The following STMN2 variants were observed in gnomAD, a reference collection of about 807,000 sequenced individuals.
STMN2 encodes the protein stathmin-2.
Under a neutral mutation model 24.1 loss-of-function variants are expected in STMN2, and 2 were observed. That is an observed-to-expected ratio of 0.08 (90% CI 0.03 to 0.26). The LOEUF (loss-of-function observed/expected upper bound fraction) is 0.26. STMN2 is among the 10% of genes least tolerant of loss of function. The pLI, the probability that STMN2 is intolerant of heterozygous loss-of-function variation, is 1.00. For synonymous variants in STMN2, 83 were observed against 77.5 expected (o/e 1.07, Z -0.37); for missense variants, 114 against 213.6 (o/e 0.53, Z 2.91).
chr8:79,615,329 C>G (rs180895218), intron 1 of STMN2, among the ~76,000 whole-genome samples: 1 of 152,178 alleles, frequency 6.6e-6, no homozygotes, highest in African/African-American at 2.4e-5. Flanking sequence ...AAGCTGGCCT[C>G]CGAGCAGGAG....
intron 1 of STMN2, among the ~76,000 whole-genome samples, chr8:79,612,190 A>T (rs1316186123): frequency 6.7e-6 from 1 of 149,020 alleles, no homozygotes; most frequent in African/African-American, 2.5e-5. Context: ...CCCGCTCCCG[A>T]CTCCCCGCCG....
intron 4 of STMN2, among the ~76,000 whole-genome samples, chr8:79,659,941 C>G (rs1806467821): frequency 6.6e-6 from 1 of 152,164 alleles, no homozygotes; most frequent in Non-Finnish European, 1.5e-5. Context: ...CTACTAAATA[C>G]TTCACTTTCT....
chr8:79,630,989 A>T lies in STMN2; in HGVS notation c.20-5813A>T, dbSNP rs755151777. On this transcript the variant is annotated intron_variant, in intron 1 of 4. Transcript: ENST00000220876. ...TAAAGCGCTTTCATTACTCCTCTAA[A>T]CCACAGTGTCATTTGGTCTCTATCA... 1.8e-4 allele frequency among the ~76,000 whole-genome samples: 28 copies of T among 152,098 alleles called. 1 individual carries two copies. The highest frequency in any genetic ancestry group is 8.3e-4 in the South Asian group (4 of 4,822).
chr8:79,655,268 G>A (rs80015140), intron 4 of STMN2, among the ~76,000 whole-genome samples: 4,508 of 152,142 alleles, frequency 0.03, 101 homozygotes, highest in East Asian at 0.096. Flanking sequence ...CATGAAAGCT[G>A]GAATTTTGTC....
At chr8:79,655,895 C>G (rs1456582269) in intron 4 of STMN2, among the ~76,000 whole-genome samples, 4 of 152,112 alleles carry the variant, frequency 2.6e-5, no homozygotes, top group Admixed American at 2.6e-4. Flanking sequence ...GTCAGTCACC[C>G]TTCCCGCCAG....
intron 1 of STMN2, among the ~76,000 whole-genome samples, chr8:79,621,608 G>A (rs776289247): frequency 1.0e-3 from 158 of 152,236 alleles, no homozygotes; most frequent in African/African-American, 3.5e-3. Flanking sequence ...CTCATTCAAC[G>A]TTTTGTTACA....
intron 3 of STMN2, among the ~76,000 whole-genome samples, chr8:79,654,529 A>C (rs538330800): frequency 2.8e-4 from 42 of 152,296 alleles, no homozygotes; most frequent in African/African-American, 9.6e-4. Context: ...TTGGTTGAAT[A>C]TTGCCATCCT....
intron 3 of STMN2, among the ~76,000 whole-genome samples, chr8:79,652,096 T>A (rs1056930397): frequency 2.6e-5 from 4 of 152,314 alleles, no homozygotes; most frequent in Admixed American, 2.6e-4. Flanking sequence ...TAACAGTGTA[T>A]TAAGATAGAA....
chr8:79,657,029 A>C (rs1272235255), intron 4 of STMN2, among the ~76,000 whole-genome samples: 2 of 152,024 alleles, frequency 1.3e-5, no homozygotes, highest in Non-Finnish European at 2.9e-5. Flanking sequence ...GTATACCACC[A>C]CGCCCAGCTA....
chr8:79,655,194 A>G, intron 4 of STMN2, 132 bp downstream of exon 4: 1 of 926,622 alleles, frequency 1.1e-6, no homozygotes, highest in South Asian at 1.8e-5. Flanking sequence ...TCCCATGGGC[A>G]GGGTCTCACA....
intron 3 of STMN2, among the ~76,000 whole-genome samples, chr8:79,647,922 A>AT (rs1810251132): frequency 6.6e-6 from 1 of 152,238 alleles, no homozygotes; most frequent in Non-Finnish European, 1.5e-5. Context: ...ACCAACATGT[A>AT]TTTAGCAAGA....
At chr8:79,637,048 T>C in intron 2 of STMN2, 151 bp downstream of exon 2, 1 of 695,028 alleles carries the variant, frequency 1.4e-6, no homozygotes, top group South Asian at 1.9e-5. Flanking sequence ...GTCCAATTGA[T>C]TACCTATTGC....
At chr8:79,645,785 C>A (rs1030677784) in intron 3 of STMN2, among the ~76,000 whole-genome samples, 1 of 152,110 alleles carries the variant, frequency 6.6e-6, no homozygotes, top group African/African-American at 2.4e-5. Flanking sequence ...CTTCTCTGAA[C>A]CTAGGTTTCA....
chr8:79,653,731 A>G (rs1477915375), intron 3 of STMN2, among the ~76,000 whole-genome samples: 2 of 152,166 alleles, frequency 1.3e-5, no homozygotes, highest in African/African-American at 2.4e-5. Flanking sequence ...TTTTTGATCA[A>G]CCATTGTTTA....
chr8:79,649,602 G>T lies in STMN2; in HGVS notation c.289-5269G>T, dbSNP rs569032358. On this transcript the variant is annotated intron_variant, in intron 3 of 4. Transcript: ENST00000220876. ...CATCACCTACCCTACTTGTGTAAAAGCATTTTTTGGTACTAGGAGATTTAG... is the reference window on the plus strand; with the variant it reads ...CATCACCTACCCTACTTGTGTAAAATCATTTTTTGGTACTAGGAGATTTAG... Among the ~76,000 whole-genome samples the T allele has an allele frequency of 1.7e-4, 26 of 152,002 alleles. No homozygotes were observed. In the South Asian group the frequency reaches 1.9e-3, roughly 11 times the overall value.
intron 1 of STMN2, among the ~76,000 whole-genome samples, chr8:79,613,147 C>T (rs1159046108): frequency 6.6e-6 from 1 of 152,112 alleles, no homozygotes; most frequent in African/African-American, 2.4e-5. Flanking sequence ...TTTTTTTCCC[C>T]CAGCCCAAGC....
At chr8:79,626,419 C>T (rs954177767) in intron 1 of STMN2, among the ~76,000 whole-genome samples, 2 of 152,170 alleles carry the variant, frequency 1.3e-5, no homozygotes, top group Non-Finnish European at 2.9e-5. Flanking sequence ...TAGAGTGGTA[C>T]CACCAGTAGT....
intron 3 of STMN2, among the ~76,000 whole-genome samples, chr8:79,643,972 T>A (rs960720146): frequency 6.6e-6 from 1 of 152,090 alleles, no homozygotes; most frequent in Admixed American, 6.5e-5. Flanking sequence ...ATGGTTTTTT[T>A]TTGTTAATGG....
intron 1 of STMN2, among the ~76,000 whole-genome samples, chr8:79,628,899 A>G (rs1228622931): frequency 6.6e-6 from 1 of 152,220 alleles, no homozygotes; most frequent in Non-Finnish European, 1.5e-5. Flanking sequence ...TTACTTACTT[A>G]CTTGTATATT....
Sources: gnomAD v4.1 joint callset for allele counts (sites outside exome capture counted in the v4.1 genomes callset) on GRCh38, gnomAD v4.1.1 for gene constraint, MANE v1.5 for transcripts, NCBI Gene and HGNC (gene_info 2026-07-23, HGNC 2026-07-21) for gene names.